GRIP1: variants seen among roughly 807,000 people sequenced by gnomAD.
GRIP1 encodes the protein glutamate receptor interacting protein 1, also known as glutamate receptor-interacting protein 1.
A neutral mutation model predicts 129.9 loss-of-function variants in GRIP1; 45 were observed. That is an observed-to-expected ratio of 0.35 (90% CI 0.27 to 0.44). GRIP1 has a LOEUF of 0.44. Among genes scored for constraint, GRIP1 ranks in the 20% least tolerant of loss-of-function variants. The pLI is 1.00. For synonymous variants in GRIP1, 530 were observed against 520.8 expected (o/e 1.02, Z -0.24); for missense variants, 1,196 against 1,396.8 (o/e 0.86, Z 2.29).
chr12:66,412,302 G>A (rs2137733452), intron 15 of GRIP1, among the ~76,000 whole-genome samples: 1 of 152,324 alleles, frequency 6.6e-6, no homozygotes, highest in East Asian at 1.9e-4. Flanking sequence ...AACTCTACAA[G>A]CCAGAAGAGT....
At chr12:66,862,199 G>A (rs2040124570) in intron 1 of GRIP1, among the ~76,000 whole-genome samples, 2 of 152,106 alleles carry the variant, frequency 1.3e-5, no homozygotes, top group Admixed American at 6.6e-5. Context: ...ATGACTCCTA[G>A]ACTGGCTCTA....
intron 1 of GRIP1, among the ~76,000 whole-genome samples, chr12:66,873,417 T>A (rs1321024958): frequency 6.6e-6 from 1 of 152,078 alleles, no homozygotes; most frequent in Non-Finnish European, 1.5e-5. Flanking sequence ...AGAATTCAAA[T>A]GTTCATCCTA....
intron 7 of GRIP1, among the ~76,000 whole-genome samples, chr12:66,505,596 T>A (rs940193273): frequency 6.6e-6 from 1 of 152,142 alleles, no homozygotes; most frequent in African/African-American, 2.4e-5. Flanking sequence ...ACAGTAATGG[T>A]GGGAGGGGTT....
intron 1 of GRIP1, among the ~76,000 whole-genome samples, chr12:66,724,893 C>A (rs1259662020): frequency 6.6e-6 from 1 of 152,198 alleles, no homozygotes; most frequent in Non-Finnish European, 1.5e-5. Flanking sequence ...CAGGTGACTT[C>A]TCTCAGCCTG....
chr12:66,855,408 G>GAA (rs1458018124), intron 1 of GRIP1, among the ~76,000 whole-genome samples: 5 of 152,060 alleles, frequency 3.3e-5, no homozygotes, highest in African/African-American at 9.6e-5. Flanking sequence ...TTATAGATGA[G>GAA]AAAACTTAGG....
At chr12:67,036,778 C>T (rs1044578874) in intron 1 of GRIP1, among the ~76,000 whole-genome samples, 14 of 152,266 alleles carry the variant, frequency 9.2e-5, no homozygotes, top group Middle Eastern at 3.4e-3. Context: ...ATGGCTTCTA[C>T]GACTCCTTCT....
At chr12:66,350,010 C>T (rs2054150632) in intron 24 of GRIP1, among the ~76,000 whole-genome samples, 1 of 151,928 alleles carries the variant, frequency 6.6e-6, no homozygotes, top group South Asian at 2.1e-4. Flanking sequence ...TGGAAAATGA[C>T]CCTACTTGTC....
At chr12:66,635,240 A>T (rs1030753437) in intron 1 of GRIP1, among the ~76,000 whole-genome samples, 3 of 151,924 alleles carry the variant, frequency 2.0e-5, no homozygotes, top group African/African-American at 4.8e-5. Flanking sequence ...CAACATAGCG[A>T]GACCCCATCT....
At chr12:66,953,447 C>T (rs7309285) in intron 1 of GRIP1, among the ~76,000 whole-genome samples, 3,033 of 152,224 alleles carry the variant, frequency 0.02, 109 homozygotes, top group African/African-American at 0.069. Context: ...AATTGGGTGG[C>T]AATGTCTCAT....
chr12:66,757,414 C>T (rs947888577), intron 1 of GRIP1, among the ~76,000 whole-genome samples: 9 of 152,234 alleles, frequency 5.9e-5, no homozygotes, highest in African/African-American at 1.4e-4. Flanking sequence ...AATAAGATCT[C>T]ATTTTTTTTG....
chr12:67,016,956 A>G (rs184643034), intron 1 of GRIP1, among the ~76,000 whole-genome samples: 87 of 152,286 alleles, frequency 5.7e-4, no homozygotes, highest in Non-Finnish European at 9.7e-4. Flanking sequence ...ATTCAATTCT[A>G]TAAGACATTT....
chr12:66,712,164 C>T (rs1260014750), intron 1 of GRIP1, among the ~76,000 whole-genome samples: 1 of 151,868 alleles, frequency 6.6e-6, no homozygotes, highest in East Asian at 1.9e-4. Flanking sequence ...ATTCTGATCA[C>T]AATTTATACT....
At chr12:66,638,335 C>T (rs904494194) in intron 1 of GRIP1, among the ~76,000 whole-genome samples, 12 of 152,092 alleles carry the variant, frequency 7.9e-5, no homozygotes, top group African/African-American at 2.7e-4. Flanking sequence ...ATTTAATCTG[C>T]AATATATACC....
intron 2 of GRIP1, among the ~76,000 whole-genome samples, chr12:66,580,793 C>G (rs369072633): frequency 3.3e-5 from 5 of 151,398 alleles, no homozygotes; most frequent in Non-Finnish European, 7.4e-5. Flanking sequence ...ACTTAGACTC[C>G]CACACATTAA....
chr12:66,640,322 G>A (rs1461341546), intron 1 of GRIP1, among the ~76,000 whole-genome samples: 2 of 152,198 alleles, frequency 1.3e-5, no homozygotes, highest in Non-Finnish European at 2.9e-5. Context: ...CATATTAGTT[G>A]CTGAATAAAA....
chr12:66,579,184 C>A (rs2063271506), intron 2 of GRIP1, among the ~76,000 whole-genome samples: 1 of 152,196 alleles, frequency 6.6e-6, no homozygotes, highest in Admixed American at 6.5e-5. Context: ...CTCCAACAGA[C>A]CTGCAGCTGA....
chr12:66,377,066 G>A lies in GRIP1; in HGVS notation c.2734-5C>T. The A allele has an allele frequency of 6.2e-7, 1 of 1,610,210 alleles. No individual in the cohort carries two copies. Among genetic ancestry groups the A allele is most frequent in the South Asian group, 1.1e-5 (1 of 90,978 alleles). On this transcript the variant is annotated splice_region_variant and splice_polypyrimidine_tract_variant and intron_variant, in intron 21 of 24. Transcript: ENST00000359742. ...CACACGCCTGTCAGCTTTCTCCTGT[G>A]GAAAGGGTTAAAGCTTTTAAATGAA...
chr12:66,906,810 C>A (rs1262695053), intron 1 of GRIP1, among the ~76,000 whole-genome samples: 1 of 152,178 alleles, frequency 6.6e-6, no homozygotes, highest in African/African-American at 2.4e-5. Context: ...TAGAAAGCTC[C>A]TAGTTGGCTT....
At chr12:66,811,229 A>G (rs552883496) in intron 1 of GRIP1, among the ~76,000 whole-genome samples, 15 of 152,322 alleles carry the variant, frequency 9.8e-5, no homozygotes, top group Admixed American at 9.2e-4. Context: ...TGTTCATTCA[A>G]TAAGTGTAGA....
Sources: allele counts gnomAD v4.1 joint callset (sites outside exome capture counted in the v4.1 genomes callset), GRCh38; gene constraint gnomAD v4.1.1; transcripts MANE v1.5; gene names NCBI Gene and HGNC (gene_info 2026-07-23, HGNC 2026-07-21).